Variants in DLG3 observed in about 807,000 individuals in gnomAD.
DLG3 encodes discs large MAGUK scaffold protein 3.
A neutral mutation model predicts 64.1 loss-of-function variants in DLG3; 1 was observed. That is an observed-to-expected ratio of 0.02 (90% CI 0.01 to 0.07). The LOEUF is 0.07. Ranked by LOEUF, DLG3 falls within the 10% of genes least tolerant of loss-of-function variation. The pLI, the probability that DLG3 is intolerant of heterozygous loss-of-function variation, is 1.00. For synonymous variants in DLG3, 245 were observed against 259.8 expected (o/e 0.94, Z 0.55); for missense variants, 429 against 669.5 (o/e 0.64, Z 3.96).
rs1454324824 is a variant in DLG3, at chrX:70,458,456, T to TATTTGTTA, written c.1405+4145_1405+4152dup. Reference sequence around the variant, plus strand: ...TGCTCTAACTGTGAGATTCTTTTTTTATTTGTTAATTTATTTGTAGAAACA... The same window carrying TATTTGTTA: ...TGCTCTAACTGTGAGATTCTTTTTTTATTTGTTAATTTGTTAATTTATTTGTAGAAACA... On this transcript the variant is annotated intron_variant, in intron 9 of 18. Coordinates refer to ENST00000374360, the MANE Select transcript of DLG3 (RefSeq NM_021120.4). Among the ~76,000 whole-genome samples the TATTTGTTA allele has an allele frequency of 2.7e-3, 306 of 112,119 alleles. 3 individuals are homozygous for TATTTGTTA. The highest frequency in any genetic ancestry group is 9.2e-3 in the African/African-American group (283 of 30,872).
intron 11 of DLG3, 114 bp downstream of exon 11, chrX:70,492,397 G>A (rs2087374249): frequency 9.0e-7 from 1 of 1,112,215 alleles, no homozygotes. Flanking sequence ...TTCCTTTTTG[G>A]TAGAGTCGGT....
At chrX:70,472,546 C>T (rs1484612986) in intron 9 of DLG3, among the ~76,000 whole-genome samples, 1 of 110,199 alleles carries the variant, frequency 9.1e-6, no homozygotes, top group Non-Finnish European at 1.9e-5. Context: ...CAGAACGAGA[C>T]TCCTGTCTCA....
At position 70,499,974 on chromosome X, in the gene DLG3, G is replaced by T. The variant is rs368491947; in HGVS notation, c.2070G>T (p.Lys690Asn). Residue 690 changes from lysine (K) to asparagine (N), a missense_variant, in exon 16 of 19, where the codon AAG becomes AAT. Transcript: ENST00000374360. ...TGGAGAAAGATATTCAGGACAACAAGTTCATCGAGGCGGGCCAATTTAATG... is the reference window on the plus strand; with the variant it reads ...TGGAGAAAGATATTCAGGACAACAATTTCATCGAGGCGGGCCAATTTAATG... ...EQMEKDIQDN[K>N]FIEAGQFNDN... 1 of 1,211,001 alleles carries T rather than the reference G, an allele frequency of 8.3e-7. No individual in the cohort carries two copies.
At chrX:70,457,063 G>A (rs1336512377) in intron 9 of DLG3, among the ~76,000 whole-genome samples, 4 of 111,728 alleles carry the variant, frequency 3.6e-5, no homozygotes, top group Non-Finnish European at 7.5e-5. Flanking sequence ...AGGATCAAGT[G>A]GTCCAATTCT....
intron 10 of DLG3, among the ~76,000 whole-genome samples, chrX:70,481,319 G>A (rs1459708672): frequency 8.9e-6 from 1 of 112,236 alleles, no homozygotes; most frequent in Non-Finnish European, 1.9e-5. Flanking sequence ...CTATTGTCTT[G>A]TATCCCTTTG....
chrX:70,448,176 A>G (rs2086585771), intron 1 of DLG3, among the ~76,000 whole-genome samples: 1 of 112,524 alleles, frequency 8.9e-6, no homozygotes, highest in African/African-American at 3.2e-5. Flanking sequence ...TATAGAGTGA[A>G]GACTCACGAG....
rs2086599292 is a variant in DLG3 at position 70,449,701 on chromosome X, G to A, written c.545G>A (p.Cys182Tyr). ...AMDGRLGVND[C>Y]VLRVNEVDVS... is the part of the protein sequence containing the mutation. ...GGCTTCCCCCACAGGGTGAATGACT[G>A]TGTGCTGCGGGTGAATGAGGTGGAC... Residue 182 changes from cysteine to tyrosine, a missense_variant, in exon 4 of 19, where the codon TGT becomes TAT. Cys to Tyr is a radical substitution (Grantham distance 194). Around this residue, in one of 9 missense-constraint regions of DLG3, gnomAD observed 73 missense variants for 158.5 expected, o/e 0.46. Coordinates refer to ENST00000374360, the MANE Select transcript of DLG3 (RefSeq NM_021120.4). The A allele has an allele frequency of 8.3e-7, 1 of 1,209,239 alleles. No individual in the cohort carries two copies. The highest frequency in any genetic ancestry group is 1.1e-6 in the Non-Finnish European group (1 of 895,116).
rs2087542476 is a variant in DLG3 at position 70,500,811 on chromosome X, A to G, written c.2256-87A>G. 1.0e-5 allele frequency: 10 copies of G among 956,055 alleles called. No individual in the cohort carries two copies. The South Asian group carries it at 1.9e-4, about 18-fold the overall frequency. 78.8% of individuals were successfully genotyped at this position (956,055 alleles called of 1,213,427 possible). On this transcript the variant is annotated intron_variant, in intron 17 of 18. Transcript: ENST00000374360. ...TGCTGCTCTGAGAGGGCAGCTTAGCAGATTTTTAGGGATCCTGGAATAATC... is the reference window on the plus strand; with the variant it reads ...TGCTGCTCTGAGAGGGCAGCTTAGCGGATTTTTAGGGATCCTGGAATAATC...
chrX:70,502,529 G>A lies in DLG3; in HGVS notation c.*260G>A, dbSNP rs758193093. ...ATTCCTGCATGGACCTTTCCCAAGC[G>A]CTAGCACAGGTGCAAAATCCATCAG... On this transcript the variant is annotated 3_prime_UTR_variant, in exon 19 of 19. Coordinates refer to ENST00000374360, the MANE Select transcript of DLG3 (RefSeq NM_021120.4). 30 of 290,931 alleles carry A rather than the reference G, an allele frequency of 1.0e-4. No homozygotes were observed. Among genetic ancestry groups the A allele is most frequent in the African/African-American group, 1.4e-4 (5 of 34,588 alleles). 24.0% of individuals were successfully genotyped at this position (290,931 alleles called of 1,213,427 possible).
intron 14 of DLG3, 47 bp from the exon 15 acceptor site, chrX:70,499,129 G>T: frequency 1.0e-6 from 1 of 989,301 alleles, no homozygotes; most frequent in Non-Finnish European, 1.4e-6. Flanking sequence ...AGGACAGGCT[G>T]TCTGGTGGGG....
rs751358204 is a variant in DLG3 at position 70,487,223 on chromosome X, G to A, written c.1521-4884G>A. On this transcript the variant is annotated intron_variant, in intron 10 of 18. Coordinates refer to ENST00000374360, the MANE Select transcript of DLG3 (RefSeq NM_021120.4). ...GTTGGTCCCATAAAGCCTACTAAAT[G>A]AATGTCAAACTCCTTAGCTGGACAG... 9.9e-5 allele frequency among the ~76,000 whole-genome samples: 11 copies of A among 111,534 alleles called. No homozygotes were observed. The South Asian group carries it at 4.2e-3, about 43-fold the overall frequency.
At chrX:70,454,000 C>G (rs1225868005) in intron 8 of DLG3, among the ~76,000 whole-genome samples, 1 of 112,224 alleles carries the variant, frequency 8.9e-6, no homozygotes, top group African/African-American at 3.2e-5. Context: ...CCTATTGGAT[C>G]TTAACCCTGA....
intron 7 of DLG3, 162 bp downstream of exon 7, chrX:70,452,188 G>A: frequency 9.2e-7 from 1 of 1,085,535 alleles, no homozygotes; most frequent in East Asian, 3.3e-5. Flanking sequence ...CAGGCCTTGG[G>A]GACCTAGAGA....
chrX:70,477,296 C>T (rs1343100363), intron 9 of DLG3, among the ~76,000 whole-genome samples: 2 of 112,566 alleles, frequency 1.8e-5, no homozygotes, highest in African/African-American at 6.5e-5. Flanking sequence ...AGTTCTTTCT[C>T]TCTTTGACTT....
At chrX:70,496,800 G>C (rs1259088437) in intron 13 of DLG3, among the ~76,000 whole-genome samples, 2 of 112,935 alleles carry the variant, frequency 1.8e-5, no homozygotes, top group African/African-American at 6.4e-5. Flanking sequence ...GAGCAGACTG[G>C]TCCCTGGACT....
Position 70,445,043 on chromosome X carries a change from C to T in DLG3, c.-159C>T, listed in dbSNP as rs1180141300. ...GGGACGCCCGCCCGGCCCCAGGCCCCGCTCAGCCCGGGCGCCCCCACGGGT... is the reference window on the plus strand; with the variant it reads ...GGGACGCCCGCCCGGCCCCAGGCCCTGCTCAGCCCGGGCGCCCCCACGGGT... On this transcript the variant is annotated 5_prime_UTR_variant, in exon 1 of 19. Transcript: ENST00000374360. 1.2e-5 allele frequency: 4 copies of T among 339,803 alleles called. No individual in the cohort carries two copies. Among genetic ancestry groups the T allele is most frequent in the Non-Finnish European group, 1.9e-5 (4 of 209,400 alleles). The allele number at this position is 339,803 out of a possible 1,213,427, so 28.0% of individuals were successfully genotyped here.
At chrX:70,479,358 A>G (rs1247994460) in intron 10 of DLG3, 94 bp downstream of exon 10, 2 of 653,595 alleles carry the variant, frequency 3.1e-6, no homozygotes, top group Non-Finnish European at 5.1e-6. Flanking sequence ...GCTAGGGAGT[A>G]TGTACTCCCA....
At chrX:70,455,303 C>G in intron 9 of DLG3, 1 of 754,228 alleles carries the variant, frequency 1.3e-6, no homozygotes, top group Non-Finnish European at 1.6e-6. Flanking sequence ...CCTCGCAGTC[C>G]CCCCTAACCT....
chrX:70,459,246 G>A (rs2086763780), intron 9 of DLG3, among the ~76,000 whole-genome samples: 1 of 112,509 alleles, frequency 8.9e-6, no homozygotes, highest in South Asian at 3.7e-4. Context: ...GGTACAAGGA[G>A]TGAGAGAGAA....
Sources: gnomAD v4.1 joint callset for allele counts (sites outside exome capture counted in the v4.1 genomes callset) on GRCh38, gnomAD v4.1.1 for gene constraint, gnomAD v4.1.1 regional missense constraint, MANE v1.5 for transcripts, NCBI Gene and HGNC (gene_info 2026-07-23, HGNC 2026-07-21) for gene names.